BCAS3: variants seen among roughly 807,000 people sequenced by gnomAD.
BCAS3 encodes the protein BCAS3 microtubule associated cell migration factor.
A neutral mutation model predicts 116.1 loss-of-function variants in BCAS3; 53 were observed. The ratio of observed to expected loss-of-function variants is 0.46; its 90% confidence interval spans 0.37 to 0.57. The LOEUF is 0.57. Ranked by LOEUF, BCAS3 falls within the 20% of genes least tolerant of loss-of-function variation. The pLI is 0.00. For missense variants in BCAS3, 917 were observed against 1,165.4 expected (o/e 0.79, Z 3.10); for synonymous variants, 391 against 408.2 (o/e 0.96, Z 0.51).
intron 5 of BCAS3, 147 bp downstream of exon 5, chr17:60,709,472 CT>C (rs2037590257): frequency 1.9e-6 from 1 of 517,520 alleles, no homozygotes; most frequent in South Asian, 1.9e-5. Flanking sequence ...TCACTGCAAC[CT>C]CTGCCTCCCA....
At chr17:61,109,812 T>G (rs1601309821) in intron 22 of BCAS3, among the ~76,000 whole-genome samples, 1 of 152,248 alleles carries the variant, frequency 6.6e-6, no homozygotes, top group South Asian at 2.1e-4. Context: ...GCTGATTTGT[T>G]GGAGTTCTTT....
chr17:60,785,551 A>G (rs1212852359), intron 6 of BCAS3, among the ~76,000 whole-genome samples: 3 of 152,212 alleles, frequency 2.0e-5, no homozygotes, highest in African/African-American at 4.8e-5. Context: ...TTATAGTCAG[A>G]CAGCCTGAAT....
intron 22 of BCAS3, among the ~76,000 whole-genome samples, chr17:61,178,517 A>G (rs1437178888): frequency 6.6e-6 from 1 of 152,100 alleles, no homozygotes. Context: ...CAGAAACCAG[A>G]TTGTGCTGGT....
chr17:60,801,494 C>G (rs144234426), intron 6 of BCAS3, among the ~76,000 whole-genome samples: 37 of 151,198 alleles, frequency 2.4e-4, no homozygotes, highest in African/African-American at 9.0e-4. Context: ...TGTTTGCTGC[C>G]TTATTATACT....
rs1377072938 is a variant in BCAS3, at chr17:61,346,237, A to T, written c.2426-22090A>T. Among the ~76,000 whole-genome samples the T allele has an allele frequency of 2.6e-5, 4 of 152,296 alleles. No individual in the cohort carries two copies. The East Asian group carries it at 7.7e-4, about 29-fold the overall frequency. On this transcript the variant is annotated intron_variant, in intron 22 of 23. Transcript: ENST00000407086. This position sits in a 1 kb window ranked among gnomAD's most constrained non-coding sequence, Gnocchi z 5.4. ...CCTGACTGGAAGATCATTTCTTTGG[A>T]AGAGGTGATGTCATCCACAAAGAGC...
intron 13 of BCAS3, among the ~76,000 whole-genome samples, chr17:60,929,744 AG>A (rs2059548639): frequency 9.4e-6 from 1 of 105,958 alleles, no homozygotes; most frequent in African/African-American, 3.8e-5. Flanking sequence ...AACAGTCCCC[AG>A]AGTGTGATGT....
At chr17:60,858,523 G>A (rs77878459) in intron 7 of BCAS3, among the ~76,000 whole-genome samples, 4,622 of 152,082 alleles carry the variant, frequency 0.03, 179 homozygotes, top group East Asian at 0.092. Context: ...TAAATGCTGA[G>A]TACTTTTCAT....
chr17:60,936,504 A>G (rs1239010137), intron 13 of BCAS3, among the ~76,000 whole-genome samples: 1 of 152,038 alleles, frequency 6.6e-6, no homozygotes, highest in East Asian at 1.9e-4. Context: ...ATTTCTCCAC[A>G]TCCTCTCCAG....
Position 61,256,132 on chromosome 17 carries a change from A to C in BCAS3, c.2426-112195A>C, listed in dbSNP as rs2048758152. On this transcript the variant is annotated intron_variant, in intron 22 of 23. Transcript: ENST00000407086. The surrounding 1 kb of genome is among the most constrained non-coding windows in gnomAD (Gnocchi z 5.6). Reference sequence around the variant, plus strand: ...GAGAAATGGGCCAATGGCTTTATGTAACTGAGGTTTCTGTTTTAACATGAA... The same window carrying C: ...GAGAAATGGGCCAATGGCTTTATGTCACTGAGGTTTCTGTTTTAACATGAA... 6.6e-6 allele frequency among the ~76,000 whole-genome samples: 1 copy of C among 152,146 alleles called. No individual in the cohort carries two copies. The highest frequency in any genetic ancestry group is 2.1e-4 in the South Asian group (1 of 4,824).
intron 22 of BCAS3, among the ~76,000 whole-genome samples, chr17:61,168,549 G>GT (rs769569236): frequency 2.0e-5 from 3 of 152,186 alleles, no homozygotes; most frequent in Non-Finnish European, 2.9e-5. Context: ...ATTCCAGAGT[G>GT]TTTTTCCCTA....
At chr17:61,149,572 A>T (rs2077433990) in intron 22 of BCAS3, among the ~76,000 whole-genome samples, 1 of 152,198 alleles carries the variant, frequency 6.6e-6, no homozygotes, top group Non-Finnish European at 1.5e-5. Context: ...GTTTTGAGAA[A>T]CATATGAGAG....
At chr17:61,210,100 C>T (rs1379021680) in intron 22 of BCAS3, among the ~76,000 whole-genome samples, 2 of 152,196 alleles carry the variant, frequency 1.3e-5, no homozygotes, top group East Asian at 1.9e-4. Flanking sequence ...AAGTTCACCA[C>T]ATTTGGGAGT....
chr17:60,715,338 T>G (rs2038458871), intron 5 of BCAS3, among the ~76,000 whole-genome samples: 2 of 152,064 alleles, frequency 1.3e-5, no homozygotes, highest in South Asian at 4.2e-4. Flanking sequence ...GGTTTCACCA[T>G]GTTGGCCAGG....
Position 61,368,577 on chromosome 17 carries a change from G to A in BCAS3, c.2593+83G>A, listed in dbSNP as rs1302073204. ...AGAGCTTCTCTGGAATCGTTTGTGG[G>A]CATATGTTTGTTTTTGCTGTTGGTT... On this transcript the variant is annotated intron_variant, in intron 23 of 23. Coordinates refer to ENST00000407086, the MANE Select transcript of BCAS3 (RefSeq NM_017679.5). This position sits in a 1 kb window ranked among gnomAD's most constrained non-coding sequence, Gnocchi z 6.0. 2.1e-6 allele frequency: 3 copies of A among 1,427,258 alleles called. No homozygotes were observed. Among genetic ancestry groups the A allele is most frequent in the East Asian group, 4.9e-5 (2 of 40,614 alleles). The allele number at this position is 1,427,258 out of a possible 1,614,324, so 88.4% of individuals were successfully genotyped here. A position where few individuals can be genotyped will look rare whatever the true frequency, so the allele number is the denominator to read the frequency against.
chr17:60,752,253 TTTA>T (rs1204947593), intron 6 of BCAS3, among the ~76,000 whole-genome samples: 1 of 152,048 alleles, frequency 6.6e-6, no homozygotes, highest in Non-Finnish European at 1.5e-5. Context: ...AGGTATTTAT[TTTA>T]TTATTGCTAA....
At chr17:61,022,244 G>A (rs1164190077) in intron 16 of BCAS3, among the ~76,000 whole-genome samples, 2 of 151,864 alleles carry the variant, frequency 1.3e-5, no homozygotes, top group Non-Finnish European at 2.9e-5. Flanking sequence ...TTTTTTGTTT[G>A]TTTGTTTGTT....
chr17:60,724,734 ATT>A (rs1400676928), intron 5 of BCAS3, among the ~76,000 whole-genome samples: 21 of 147,724 alleles, frequency 1.4e-4, no homozygotes, highest in African/African-American at 5.0e-4. Flanking sequence ...AAAAAAAAAA[ATT>A]CATTTTCTTT....
At position 61,141,924 on chromosome 17, in the gene BCAS3, AG is replaced by A. The variant is rs1260686731; in HGVS notation, c.2425+57361del. On this transcript the variant is annotated intron_variant, in intron 22 of 23. Coordinates refer to ENST00000407086, the MANE Select transcript of BCAS3 (RefSeq NM_017679.5). This position sits in a 1 kb window ranked among gnomAD's most constrained non-coding sequence, Gnocchi z 4.3. ...CAAGAAAAAAAAAAAAAAAAAAGTTAGACAATTATACAGAGATACTCAAGTT... is the reference window on the plus strand; with the variant it reads ...CAAGAAAAAAAAAAAAAAAAAAGTTAACAATTATACAGAGATACTCAAGTT... Among the ~76,000 whole-genome samples the A allele has an allele frequency of 7.9e-4, 9 of 11,356 alleles. 4 individuals carry two copies. Among genetic ancestry groups the A allele is most frequent in the South Asian group, 0.023 (2 of 86 alleles). 7.4% of individuals were successfully genotyped at this position (11,356 alleles called of 152,430 possible). A position where few individuals can be genotyped will look rare whatever the true frequency, so the allele number is the denominator to read the frequency against.
In BCAS3 at chr17:61,324,444, A is replaced by T. The variant is rs1326271620; in HGVS notation, c.2426-43883A>T. Among the ~76,000 whole-genome samples, 1 of 152,226 alleles carries T rather than the reference A, an allele frequency of 6.6e-6. No homozygotes were observed. The highest frequency in any genetic ancestry group is 2.4e-5 in the African/African-American group (1 of 41,462). On this transcript the variant is annotated intron_variant, in intron 22 of 23. Transcript: ENST00000407086. The surrounding 1 kb of genome is among the most constrained non-coding windows in gnomAD (Gnocchi z 4.6). The stretch of plus-strand genomic sequence containing the variant: ...CGAGTATGTGTGGTAGTATTAATAT[A>T]TGTACATGTAATATTTGTGTGCGTT...
Sources: gnomAD v4.1 joint callset for allele counts (sites outside exome capture counted in the v4.1 genomes callset) on GRCh38, gnomAD v4.1.1 for gene constraint, Gnocchi (gnomAD v3.1) non-coding constraint, MANE v1.5 for transcripts, NCBI Gene and HGNC (gene_info 2026-07-23, HGNC 2026-07-21) for gene names.